CAMK1D: variants seen among roughly 807,000 people sequenced by gnomAD.
CAMK1D encodes the protein calcium/calmodulin dependent protein kinase ID, also known as calcium/calmodulin-dependent protein kinase type 1D.
A neutral mutation model predicts 47.7 loss-of-function variants in CAMK1D; 9 were observed. The observed-to-expected ratio is 0.19, with a 90% CI of 0.11 to 0.33. The LOEUF is 0.33. Ranked by LOEUF, CAMK1D falls within the 10% of genes least tolerant of loss-of-function variation. The pLI, the probability that CAMK1D is intolerant of heterozygous loss-of-function variation, is 1.00. For missense variants in CAMK1D, 291 were observed against 488.7 expected (o/e 0.60, Z 3.81); for synonymous variants, 184 against 184.9 (o/e 0.99, Z 0.04).
At chr10:12,638,039 CG>C (rs34403917) in intron 2 of CAMK1D, among the ~76,000 whole-genome samples, 1 of 152,168 alleles carries the variant, frequency 6.6e-6, no homozygotes, top group East Asian at 1.9e-4. Context: ...TGGTGGAGGA[CG>C]GGGGGATTCC....
At chr10:12,600,046 A>C (rs961366799) in intron 2 of CAMK1D, among the ~76,000 whole-genome samples, 4 of 152,202 alleles carry the variant, frequency 2.6e-5, no homozygotes, top group Non-Finnish European at 4.4e-5. Flanking sequence ...TGGAGGCTGC[A>C]GTGAGCTATG....
chr10:12,440,262 C>A (rs948737821), intron 1 of CAMK1D, among the ~76,000 whole-genome samples: 65 of 151,198 alleles, frequency 4.3e-4, no homozygotes, highest in African/African-American at 1.3e-3. Context: ...TCCTGCCATT[C>A]CAACTATACG....
At chr10:12,558,824 C>A (rs1241327040) in intron 2 of CAMK1D, among the ~76,000 whole-genome samples, 1 of 152,120 alleles carries the variant, frequency 6.6e-6, no homozygotes, top group Non-Finnish European at 1.5e-5. Context: ...CTGATGCCTG[C>A]TTTGTAAGCT....
At chr10:12,575,510 G>A (rs925684280) in intron 2 of CAMK1D, among the ~76,000 whole-genome samples, 5 of 152,172 alleles carry the variant, frequency 3.3e-5, no homozygotes, top group African/African-American at 1.2e-4. Context: ...TTTGGAGGAC[G>A]TCCAGGGCAA....
chr10:12,778,411 G>A (rs883418), intron 5 of CAMK1D, among the ~76,000 whole-genome samples: 9 of 152,022 alleles, frequency 5.9e-5, no homozygotes, highest in Admixed American at 5.2e-4. Context: ...CTGTGGAGGC[G>A]GCACATCACT....
At chr10:12,538,429 T>C (rs1353184138) in intron 1 of CAMK1D, among the ~76,000 whole-genome samples, 1 of 152,212 alleles carries the variant, frequency 6.6e-6, no homozygotes, top group East Asian at 1.9e-4. Context: ...GAGATGTATC[T>C]GATTGAACGG....
At chr10:12,816,670 A>G (rs999109975) in intron 8 of CAMK1D, among the ~76,000 whole-genome samples, 2 of 151,942 alleles carry the variant, frequency 1.3e-5, no homozygotes, top group African/African-American at 4.8e-5. Flanking sequence ...GGTGTTCGAG[A>G]CCAGCCTGGC....
intron 5 of CAMK1D, among the ~76,000 whole-genome samples, chr10:12,789,320 A>C (rs968833090): frequency 1.3e-5 from 2 of 152,192 alleles, no homozygotes; most frequent in Non-Finnish European, 2.9e-5. Flanking sequence ...AAACCAAAAG[A>C]TTGGACACCC....
intron 3 of CAMK1D, among the ~76,000 whole-genome samples, chr10:12,727,830 A>G (rs1460238611): frequency 1.3e-5 from 2 of 150,512 alleles, no homozygotes; most frequent in African/African-American, 4.9e-5. Flanking sequence ...GGGGCGCGCG[A>G]TCTCAGTTTG....
chr10:12,401,864 T>C (rs929633708), intron 1 of CAMK1D, among the ~76,000 whole-genome samples: 2 of 149,478 alleles, frequency 1.3e-5, no homozygotes, highest in Non-Finnish European at 3.0e-5. Context: ...AAAAGAGGCT[T>C]TGGTTGTCCG....
intron 1 of CAMK1D, among the ~76,000 whole-genome samples, chr10:12,511,185 C>T (rs536133118): frequency 7.2e-5 from 11 of 152,222 alleles, no homozygotes; most frequent in Non-Finnish European, 1.5e-4. Context: ...CTGTCTTCCT[C>T]TGCCTTTATG....
chr10:12,808,765 C>T (rs1242333935), intron 6 of CAMK1D, among the ~76,000 whole-genome samples: 3 of 151,846 alleles, frequency 2.0e-5, no homozygotes, highest in Admixed American at 6.6e-5. Context: ...GCAACAAGAG[C>T]GAAACTCCTT....
intron 3 of CAMK1D, among the ~76,000 whole-genome samples, chr10:12,746,747 T>C (rs1835699245): frequency 6.6e-6 from 1 of 152,228 alleles, no homozygotes; most frequent in African/African-American, 2.4e-5. Flanking sequence ...CACACTGAAC[T>C]GTGTGACGGG....
chr10:12,507,611 G>A (rs1006332309), intron 1 of CAMK1D, among the ~76,000 whole-genome samples: 30 of 152,224 alleles, frequency 2.0e-4, no homozygotes, highest in Admixed American at 3.9e-4. Context: ...GCTGAGGGCC[G>A]CCCGGAAGAA....
intron 5 of CAMK1D, 84 bp downstream of exon 5, chr10:12,769,883 T>A: frequency 6.7e-7 from 1 of 1,485,146 alleles, no homozygotes. Context: ...ACTCATCAGT[T>A]GTGTGAAACA....
intron 3 of CAMK1D, among the ~76,000 whole-genome samples, chr10:12,739,377 G>A (rs1326522558): frequency 6.6e-6 from 1 of 151,708 alleles, no homozygotes; most frequent in Admixed American, 6.6e-5. Flanking sequence ...TCGGGTTTAA[G>A]CAGTTTTCCT....
intron 1 of CAMK1D, among the ~76,000 whole-genome samples, chr10:12,381,481 G>A (rs1019147176): frequency 2.0e-5 from 3 of 151,816 alleles, no homozygotes; most frequent in Admixed American, 6.6e-5. Flanking sequence ...GATTACAGGC[G>A]CATGCCACTG....
At chr10:12,572,936 A>G (rs1273959646) in intron 2 of CAMK1D, among the ~76,000 whole-genome samples, 1 of 152,180 alleles carries the variant, frequency 6.6e-6, no homozygotes, top group Non-Finnish European at 1.5e-5. Context: ...CAACCCAAGC[A>G]GGTTGACCCA....
intron 3 of CAMK1D, among the ~76,000 whole-genome samples, chr10:12,759,763 C>T (rs114263891): frequency 1.6e-3 from 239 of 152,246 alleles, no homozygotes; most frequent in African/African-American, 5.5e-3. Flanking sequence ...AGGCCTTTTA[C>T]GGCTGCAGTG....
Sources: allele counts gnomAD v4.1 joint callset (sites outside exome capture counted in the v4.1 genomes callset), GRCh38; gene constraint gnomAD v4.1.1; transcripts MANE v1.5; gene names NCBI Gene and HGNC (gene_info 2026-07-23, HGNC 2026-07-21).